Variants in MUC17 observed in about 807,000 individuals in gnomAD.
The protein encoded by MUC17 is mucin-17.
MUC17 carries 190 observed loss-of-function variants against 170.3 expected under a neutral mutation model. The ratio of observed to expected loss-of-function variants is 1.12; its 90% CI spans 0.99 to 1.26. MUC17 has a LOEUF of 1.26. Ranked by LOEUF, MUC17 falls within the 50% of genes most tolerant of loss-of-function variation. MUC17 has a pLI of 0.00. For missense variants in MUC17, 6,415 were observed against 5,530.0 expected (o/e 1.16, Z -5.08); for synonymous variants, 2,325 against 2,002.5 (o/e 1.16, Z -4.30).
chr7:101,038,221 A>G lies in MUC17; in HGVS notation c.6805A>G (p.Ile2269Val), dbSNP rs758744815. The change falls in exon 3 of 13, where the codon ATA becomes GTA. Residue 2269 changes from isoleucine (I) to valine (V), a missense_variant. Transcript: ENST00000306151. The part of the protein sequence containing the change: ...SSPTTAEGTS[I>V]PTSTLSEGTT... Reference sequence around the variant, plus strand: ...TCCTACAACTGCTGAAGGTACCAGCATACCAACTTCAACTCTTAGTGAAGG... The same window carrying G: ...TCCTACAACTGCTGAAGGTACCAGCGTACCAACTTCAACTCTTAGTGAAGG... The G allele has an allele frequency of 1.2e-5, 20 of 1,613,920 alleles. No homozygotes were observed. In the Admixed American group the frequency reaches 3.3e-4, roughly 27 times the overall value.
In MUC17 at chr7:101,037,893, A is replaced by C. The variant is rs1241281385; in HGVS notation, c.6477A>C (p.Arg2159Ser). 6.2e-7 allele frequency: 1 copy of C among 1,609,650 alleles called. No homozygotes were observed. Among genetic ancestry groups the C allele is most frequent in the East Asian group, 2.2e-5 (1 of 44,582 alleles). Residue 2159 changes from arginine to serine, a missense_variant, in exon 3 of 13, where the codon AGA becomes AGC. Transcript: ENST00000306151. ...TSMQTSTYSD[R>S]RTPLTSMPVS... ...TGCAAACCTCAACTTATAGTGACAG[A>C]AGAACTCCTTTAACAAGTATGCCTG...
chr7:101,037,839 A>C lies in MUC17; in HGVS notation c.6423A>C (p.Ser2141=). The change falls in exon 3 of 13, where the codon TCA becomes TCC. Residue 2141 remains serine, a synonymous_variant. Coordinates refer to ENST00000306151, the MANE Select transcript of MUC17 (RefSeq NM_001040105.2). Reference sequence around the variant, plus strand: ...TGATCACTTCTACTGAAGTCAGTTCATCTCCTATACCTACTGAAGGTACCA... The same window carrying C: ...TGATCACTTCTACTGAAGTCAGTTCCTCTCCTATACCTACTGAAGGTACCA... ...SPVITSTEVS[S]SPIPTEGTSM... The C allele has an allele frequency of 6.2e-7, 1 of 1,613,852 alleles. No homozygotes were observed. Among genetic ancestry groups the C allele is most frequent in the South Asian group, 1.1e-5 (1 of 91,054 alleles).
chr7:101,024,454 G>T (rs893891733), intron 1 of MUC17, among the ~76,000 whole-genome samples: 6 of 151,816 alleles, frequency 4.0e-5, no homozygotes, highest in African/African-American at 1.5e-4. Context: ...AACGGCAAGG[G>T]AGGAAACAAG....
chr7:101,044,410 C>T (rs1396757455), intron 3 of MUC17, among the ~76,000 whole-genome samples: 1 of 152,246 alleles, frequency 6.6e-6, no homozygotes, highest in African/African-American at 2.4e-5. Context: ...TCAATCTCCA[C>T]TCACTACTTT....
intron 3 of MUC17, among the ~76,000 whole-genome samples, chr7:101,046,098 G>A (rs1214998238): frequency 6.6e-6 from 1 of 152,184 alleles, no homozygotes; most frequent in Non-Finnish European, 1.5e-5. Flanking sequence ...GACTGATTTA[G>A]GATGTATGGG....
At position 101,036,032 on chromosome 7, in the gene MUC17, C is replaced by G. The variant is rs1295715365; in HGVS notation, c.4616C>G (p.Ala1539Gly). The G allele has an allele frequency of 6.2e-7, 1 of 1,611,590 alleles. No individual in the cohort carries two copies. Among genetic ancestry groups the G allele is most frequent in the Non-Finnish European group, 8.5e-7 (1 of 1,178,698 alleles). Reference protein sequence around the residue: ...SEINSLSTTPAVTSTPVTTYS... With the variant: ...SEINSLSTTPGVTSTPVTTYS... ...ATCAACAGCCTTTCAACAACTCCTGCTGTCACCAGCACACCTGTGACCACT... is the reference window on the plus strand; with the variant it reads ...ATCAACAGCCTTTCAACAACTCCTGGTGTCACCAGCACACCTGTGACCACT... Residue 1539 changes from alanine (A) to glycine (G), a missense_variant, in exon 3 of 13, where the codon GCT (alanine) becomes GGT (glycine). Transcript: ENST00000306151.
Position 101,032,296 on chromosome 7 carries a change from A to G in MUC17, c.880A>G (p.Thr294Ala). Reference protein sequence around the residue: ...VMLVVSSEASTLSTTPAATNI... With the variant: ...VMLVVSSEASALSTTPAATNI... The stretch of plus-strand genomic sequence containing the variant: ...GCTGGTGGTCAGTTCTGAGGCTAGC[A>G]CCCTTTCAACAACTCCTGCTGCCAC... Residue 294 changes from threonine to alanine, a missense_variant, in exon 3 of 13, where the codon ACC becomes GCC. Transcript: ENST00000306151. 6.2e-7 allele frequency: 1 copy of G among 1,613,894 alleles called. No individual in the cohort carries two copies. Among genetic ancestry groups the G allele is most frequent in the Non-Finnish European group, 8.5e-7 (1 of 1,179,914 alleles).
At position 101,038,406 on chromosome 7, in the gene MUC17, C is replaced by G; in HGVS notation, c.6990C>G (p.Thr2330=). 1 of 1,614,054 alleles carries G rather than the reference C, an allele frequency of 6.2e-7. No individual in the cohort carries two copies. The highest frequency in any genetic ancestry group is 1.1e-5 in the South Asian group (1 of 91,074). Residue 2330 remains threonine (T), a synonymous_variant, in exon 3 of 13, where the codon ACC becomes ACG. Transcript: ENST00000306151. ...PPTAEGTSMP[T]STSSEGNTPL... ...CTGCTGAAGGTACCAGCATGCCAACCTCAACTTCTAGTGAAGGAAACACTC... is the reference window on the plus strand; with the variant it reads ...CTGCTGAAGGTACCAGCATGCCAACGTCAACTTCTAGTGAAGGAAACACTC...
Position 101,036,339 on chromosome 7 carries a change from G to T in MUC17, c.4923G>T (p.Thr1641=). The change falls in exon 3 of 13, where the codon ACG becomes ACT. Residue 1641 remains threonine, a synonymous_variant. Transcript: ENST00000306151. ...PLLTSIPVST[T]PVASPEASTL... ...TAACAAGTATACCTGTCAGCACCAC[G>T]CCGGTGGCCAGTCCTGAGGCTAGCA... The T allele has an allele frequency of 6.2e-7, 1 of 1,613,312 alleles. No homozygotes were observed. Among genetic ancestry groups the T allele is most frequent in the African/African-American group, 1.3e-5 (1 of 74,766 alleles).
At chr7:101,053,188 GCTC>G (rs2116480725) in intron 10 of MUC17, 41 bp downstream of exon 10, 1 of 1,602,280 alleles carries the variant, frequency 6.2e-7, no homozygotes, top group Non-Finnish European at 8.5e-7. Flanking sequence ...ACTCCCTCCA[GCTC>G]CTCCTCTTCC....
rs1165339999 is a variant in MUC17, at chr7:101,058,018, C to T, written c.13456C>T (p.Pro4486Ser). The stretch of plus-strand genomic sequence containing the variant: ...CTCTTTTCAGATCCGAATTCAGAGG[C>T]CTCAGGTAATGACGACATCATTTTA... ...DPETKIRIQRPQVMTTSF is the reference protein window; with the variant it reads ...DPETKIRIQRSQVMTTSF Residue 4486 changes from proline to serine, a missense_variant, in exon 13 of 13, where the codon CCT (proline) becomes TCT (serine). Physicochemically the swap from Pro to Ser is moderately conservative, Grantham distance 74 (BLOSUM62 -1). Transcript: ENST00000306151. 1 of 1,613,818 alleles carries T rather than the reference C, an allele frequency of 6.2e-7. No homozygotes were observed. Among genetic ancestry groups the T allele is most frequent in the Non-Finnish European group, 8.5e-7 (1 of 1,179,860 alleles).
chr7:101,045,546 C>T (rs759502525), intron 3 of MUC17, among the ~76,000 whole-genome samples: 2 of 152,078 alleles, frequency 1.3e-5, no homozygotes, highest in Non-Finnish European at 2.9e-5. Flanking sequence ...GAGCACACCA[C>T]CACATCCAGC....
At chr7:101,045,839 C>T (rs1190939962) in intron 3 of MUC17, among the ~76,000 whole-genome samples, 1 of 152,210 alleles carries the variant, frequency 6.6e-6, no homozygotes, top group Non-Finnish European at 1.5e-5. Context: ...GTAGGTGTCT[C>T]ACGACAAAGG....
intron 6 of MUC17, 117 bp from the exon 7 acceptor site, chr7:101,050,367 T>C: frequency 6.9e-7 from 1 of 1,451,634 alleles, no homozygotes; most frequent in Non-Finnish European, 9.3e-7. Context: ...TCACCCCAAC[T>C]GTCCTGCCCC....
Position 101,040,604 on chromosome 7 carries a change from C to T in MUC17, c.9188C>T (p.Ala3063Val). The change falls in exon 3 of 13, where the codon GCT becomes GTT. Residue 3063 changes from alanine to valine, a missense_variant. Physicochemically the swap from Ala to Val is moderately conservative, Grantham distance 64 (BLOSUM62 0). Coordinates refer to ENST00000306151, the MANE Select transcript of MUC17 (RefSeq NM_001040105.2). The part of the protein sequence containing the change: ...VSTTPVAIPE[A>V]STLSTTPVDS... ...ACCACGCCAGTGGCCATTCCTGAGGCTAGCACCCTTTCAACAACTCCTGTT... is the reference window on the plus strand; with the variant it reads ...ACCACGCCAGTGGCCATTCCTGAGGTTAGCACCCTTTCAACAACTCCTGTT... 6.2e-7 allele frequency: 1 copy of T among 1,612,150 alleles called. No individual in the cohort carries two copies. Among genetic ancestry groups the T allele is most frequent in the Non-Finnish European group, 8.5e-7 (1 of 1,179,244 alleles).
At chr7:101,055,158 A>G (rs1238296191) in intron 11 of MUC17, among the ~76,000 whole-genome samples, 18 of 152,180 alleles carry the variant, frequency 1.2e-4, no homozygotes, top group Admixed American at 1.2e-3. Context: ...GATAGGACAC[A>G]TAGAAAATAG....
rs1357157282 is a variant in MUC17 at position 101,032,122 on chromosome 7, C to T, written c.706C>T (p.Leu236Phe). The change falls in exon 3 of 13, where the codon CTT (leucine) becomes TTT (phenylalanine). Residue 236 changes from leucine (L) to phenylalanine (F), a missense_variant. By Grantham distance (22) the Leu-to-Phe change is conservative (BLOSUM62 0). Transcript: ENST00000306151. ...MKVASSEAIT[L>F]LTTPVEISTP... is the part of the protein sequence containing the mutation. ...GGTGGCCAGTTCAGAGGCTATCACC[C>T]TTTTGACAACTCCTGTTGAAATCAG... The T allele has an allele frequency of 6.2e-7, 1 of 1,613,568 alleles. No individual in the cohort carries two copies. The highest frequency in any genetic ancestry group is 8.5e-7 in the Non-Finnish European group (1 of 1,179,866).
At position 101,032,052 on chromosome 7, in the gene MUC17, T is replaced by C. The variant is rs1376067417; in HGVS notation, c.636T>C (p.Ser212=). ...ESTTIPKSTN[S]EGSTPLTSMP... Reference sequence around the variant, plus strand: ...CCACCATACCCAAATCAACTAACAGTGAAGGAAGCACTCCATTAACAAGTA... The same window carrying C: ...CCACCATACCCAAATCAACTAACAGCGAAGGAAGCACTCCATTAACAAGTA... The change falls in exon 3 of 13, where the codon AGT becomes AGC. Residue 212 remains serine (S), a synonymous_variant. Coordinates refer to ENST00000306151, the MANE Select transcript of MUC17 (RefSeq NM_001040105.2). 6.2e-7 allele frequency: 1 copy of C among 1,614,062 alleles called. No homozygotes were observed. Among genetic ancestry groups the C allele is most frequent in the African/African-American group, 1.3e-5 (1 of 74,918 alleles).
rs774278006 is a variant in MUC17, at chr7:101,034,325, G to A, written c.2909G>A (p.Gly970Asp). Residue 970 changes from glycine (G) to aspartate (D), a missense_variant, in exon 3 of 13, where the codon GGT becomes GAT. Physicochemically the swap from Gly to Asp is moderately conservative, Grantham distance 94 (BLOSUM62 -1). Coordinates refer to ENST00000306151, the MANE Select transcript of MUC17 (RefSeq NM_001040105.2). Reference sequence around the variant, plus strand: ...ACTTCATCTCCTACAACTGCTGAAGGTACCAGCATACCAACCTCGACTCCT... The same window carrying A: ...ACTTCATCTCCTACAACTGCTGAAGATACCAGCATACCAACCTCGACTCCT... ...EATSSPTTAE[G>D]TSIPTSTPSE... The A allele has an allele frequency of 1.9e-6, 3 of 1,608,578 alleles. No individual in the cohort carries two copies. Among genetic ancestry groups the A allele is most frequent in the South Asian group, 1.1e-5 (1 of 90,190 alleles).
Sources: allele counts gnomAD v4.1 joint callset (sites outside exome capture counted in the v4.1 genomes callset), GRCh38; gene constraint gnomAD v4.1.1; transcripts MANE v1.5; gene names NCBI Gene and HGNC (gene_info 2026-07-23, HGNC 2026-07-21).